Variants in PLCE1 observed in about 807,000 individuals in gnomAD.
PLCE1 encodes the protein 1-phosphatidylinositol 4,5-bisphosphate phosphodiesterase epsilon-1.
Under a neutral mutation model 242.8 loss-of-function variants are expected in PLCE1, and 119 were observed. The observed-to-expected ratio is 0.49, with a 90% CI of 0.42 to 0.57. PLCE1 has a LOEUF of 0.57. Among genes scored for constraint, PLCE1 ranks in the 20% least tolerant of loss-of-function variants. The probability of loss-of-function intolerance (pLI) is 0.00; values close to 1 mark genes in which losing one functional copy is unlikely to be tolerated. For missense variants in PLCE1, 2,441 were observed against 2,788.8 expected (o/e 0.88, Z 2.81); for synonymous variants, 945 against 1,017.4 (o/e 0.93, Z 1.35).
At chr10:94,189,039 A>G (rs2048577587) in intron 4 of PLCE1, among the ~76,000 whole-genome samples, 1 of 150,728 alleles carries the variant, frequency 6.6e-6, no homozygotes, top group African/African-American at 2.4e-5. Context: ...GGTCCAGTGA[A>G]TTTCAAATAC....
At chr10:94,147,057 C>T (rs942076281) in intron 3 of PLCE1, among the ~76,000 whole-genome samples, 7 of 152,034 alleles carry the variant, frequency 4.6e-5, no homozygotes, top group Non-Finnish European at 4.4e-5. Flanking sequence ...TGTAGAGAAA[C>T]GCTGTGTCTC....
chr10:94,302,073 T>C (rs999102712), intron 24 of PLCE1, among the ~76,000 whole-genome samples: 3 of 152,172 alleles, frequency 2.0e-5, no homozygotes, highest in African/African-American at 7.2e-5. Flanking sequence ...ACTTTTTCAC[T>C]TGATTGGAAT....
chr10:94,322,630 C>T (rs1004251732), intron 30 of PLCE1, among the ~76,000 whole-genome samples: 3 of 151,812 alleles, frequency 2.0e-5, no homozygotes, highest in Non-Finnish European at 4.4e-5. Flanking sequence ...ACTAAAAATA[C>T]AAAAATTAGC....
intron 5 of PLCE1, among the ~76,000 whole-genome samples, chr10:94,232,761 T>A (rs1000165047): frequency 6.6e-6 from 1 of 152,064 alleles, no homozygotes; most frequent in African/African-American, 2.4e-5. Flanking sequence ...TTGCACAGTA[T>A]CCCCTCCTGA....
At chr10:94,250,822 T>C (rs2050848868) in intron 8 of PLCE1, among the ~76,000 whole-genome samples, 1 of 152,246 alleles carries the variant, frequency 6.6e-6, no homozygotes, top group Non-Finnish European at 1.5e-5. Flanking sequence ...AAAGTTTTAC[T>C]CTTCTTTCAG....
chr10:94,182,461 G>T (rs1458718201), intron 4 of PLCE1, among the ~76,000 whole-genome samples: 7 of 151,104 alleles, frequency 4.6e-5, no homozygotes, highest in Middle Eastern at 3.4e-3. Flanking sequence ...GTAGAGATGG[G>T]GTTTCACCAT....
At position 94,038,128 on chromosome 10, in the gene PLCE1, G is replaced by A. The variant is rs150355048; in HGVS notation, c.1206+5876G>A. Among the ~76,000 whole-genome samples the A allele has an allele frequency of 1.0e-3, 152 of 152,232 alleles. 1 individual carries two copies. In the East Asian group the frequency reaches 0.016, roughly 16 times the overall value. ...CAGAGACTCAAGCTGCCCTTTGAAT[G>A]ACCTCTGAAAAGTCACGAGTCATAG... On this transcript the variant is annotated intron_variant, in intron 2 of 32. Transcript: ENST00000371380.
In PLCE1 at chr10:94,220,736, G is replaced by A. The variant is rs144006645; in HGVS notation, c.1810-6570G>A. 3.1e-3 allele frequency among the ~76,000 whole-genome samples: 469 copies of A among 152,232 alleles called. 3 individuals are homozygous for A. The highest frequency in any genetic ancestry group is 0.01 in the African/African-American group (434 of 41,538). ...AACTGCACACTAAGCATCATGCTGA[G>A]ATCTTTAGATACACTCTCCAACTTC... On this transcript the variant is annotated intron_variant, in intron 4 of 32. Transcript: ENST00000371380.
chr10:94,256,360 AAAAG>A (rs1214447992), intron 11 of PLCE1, among the ~76,000 whole-genome samples: 1 of 134,558 alleles, frequency 7.4e-6, no homozygotes, highest in Admixed American at 7.2e-5. Context: ...GAAAGAAAGA[AAAAG>A]AAACAGAAAA....
intron 2 of PLCE1, among the ~76,000 whole-genome samples, chr10:94,062,582 G>GTTTTTTTTTTTT (rs5787099): frequency 7.0e-6 from 1 of 142,346 alleles, no homozygotes; most frequent in African/African-American, 2.6e-5. Flanking sequence ...TCTTGGTTTT[G>GTTTTTTTTTTTT]TTTTTTTTTT....
intron 2 of PLCE1, among the ~76,000 whole-genome samples, chr10:94,058,192 T>C (rs756040221): frequency 6.6e-6 from 1 of 152,240 alleles, no homozygotes; most frequent in Non-Finnish European, 1.5e-5. Flanking sequence ...TTTTGCTTGT[T>C]ACTGCATGTT....
chr10:94,325,237 C>T, intron 32 of PLCE1, 133 bp downstream of exon 32: 1 of 691,012 alleles, frequency 1.4e-6, no homozygotes, highest in Non-Finnish European at 2.6e-6. Context: ...GGAATGGGAC[C>T]TTAAAACAGG....
chr10:94,102,334 A>G (rs931679474), intron 2 of PLCE1, among the ~76,000 whole-genome samples: 4 of 152,236 alleles, frequency 2.6e-5, no homozygotes, highest in Non-Finnish European at 5.9e-5. Flanking sequence ...CTTTCACGAG[A>G]GAGACATAGT....
At chr10:94,067,966 T>A (rs114424649) in intron 2 of PLCE1, among the ~76,000 whole-genome samples, 1 of 152,090 alleles carries the variant, frequency 6.6e-6, no homozygotes, top group African/African-American at 2.4e-5. Flanking sequence ...TAACCAGCAC[T>A]CCTAAGATAG....
Position 94,227,527 on chromosome 10 carries a change from A to G in PLCE1, c.1955+76A>G, listed in dbSNP as rs1270469968. On this transcript the variant is annotated intron_variant, in intron 5 of 32. Transcript: ENST00000371380. Reference sequence around the variant, plus strand: ...CTGAATGGCACTGAATTAATTGTCCAGGGACTCACCTTTACCCAAGCCAGG... The same window carrying G: ...CTGAATGGCACTGAATTAATTGTCCGGGGACTCACCTTTACCCAAGCCAGG... The G allele has an allele frequency of 8.8e-6, 12 of 1,360,008 alleles. No individual in the cohort carries two copies. The African/African-American group carries it at 1.6e-4, about 18-fold the overall frequency. 84.2% of individuals were successfully genotyped at this position (1,360,008 alleles called of 1,614,324 possible). A position where few individuals can be genotyped will look rare whatever the true frequency, so the allele number is the denominator to read the frequency against.
At chr10:94,057,652 T>C (rs969968018) in intron 2 of PLCE1, among the ~76,000 whole-genome samples, 4 of 152,222 alleles carry the variant, frequency 2.6e-5, no homozygotes, top group African/African-American at 9.6e-5. Flanking sequence ...TAAAGAGAAC[T>C]TAACAAAAAC....
chr10:94,166,437 G>A (rs1052632387), intron 3 of PLCE1, among the ~76,000 whole-genome samples: 100 of 152,232 alleles, frequency 6.6e-4, no homozygotes, highest in African/African-American at 2.2e-3. Context: ...AGATTCTGCC[G>A]GGTTTTGATA....
chr10:94,279,916 G>A lies in PLCE1; in HGVS notation c.4795+5G>A. 6.2e-7 allele frequency: 1 copy of A among 1,613,534 alleles called. No individual in the cohort carries two copies. Among genetic ancestry groups the A allele is most frequent in the Non-Finnish European group, 8.5e-7 (1 of 1,179,624 alleles). ...ACTATGAATCCCTTTCTGATGGTAA[G>A]AGAAACAGATCCCTATGCTGTGCAC... On this transcript the variant is annotated splice_donor_5th_base_variant and intron_variant, in intron 20 of 32. Transcript: ENST00000371380.
Position 94,297,590 on chromosome 10 carries a change from TAAAAAAAAAAAAA to T in PLCE1, c.5168-764_5168-752del, listed in dbSNP as rs71031568. 8.1e-3 allele frequency among the ~76,000 whole-genome samples: 460 copies of T among 56,558 alleles called. 4 individuals carry two copies. The highest frequency in any genetic ancestry group is 0.013 in the Middle Eastern group (1 of 76). The allele number at this position is 56,558 out of a possible 152,430, so 37.1% of individuals were successfully genotyped here. A position where few individuals can be genotyped will look rare whatever the true frequency, so the allele number is the denominator to read the frequency against. ...AGGCCTGCCCCAAACTTTAAATTTG[TAAAAAAAAAAAAA>T]AAAAAAAAAAAAAAAAAAAAAAAAG... On this transcript the variant is annotated intron_variant, in intron 23 of 32. Transcript: ENST00000371380.
Sources: allele counts gnomAD v4.1 joint callset (sites outside exome capture counted in the v4.1 genomes callset), GRCh38; gene constraint gnomAD v4.1.1; transcripts MANE v1.5; gene names NCBI Gene and HGNC (gene_info 2026-07-23, HGNC 2026-07-21).